The following CTNNBL1 variants were observed in gnomAD, a reference collection of about 807,000 sequenced individuals.
CTNNBL1 encodes beta-catenin-like protein 1.
Under a neutral mutation model 72.7 loss-of-function variants are expected in CTNNBL1, and 31 were observed. The ratio of observed to expected loss-of-function variants is 0.43; its 90% CI spans 0.32 to 0.58. The LOEUF is 0.58. Ranked by LOEUF, CTNNBL1 falls within the 20% of genes least tolerant of loss-of-function variation. The pLI, the probability that CTNNBL1 is intolerant of heterozygous loss-of-function variation, is 0.08. For synonymous variants in CTNNBL1, 240 were observed against 267.3 expected, an observed-to-expected ratio of 0.90 and a Z score of 1.00; for missense variants, 534 against 725.1, an observed-to-expected ratio of 0.74 and a Z score of 3.03.
At chr20:37,800,516 A>G (rs537328311) in intron 10 of CTNNBL1, among the ~76,000 whole-genome samples, 2 of 152,106 alleles carry the variant, frequency 1.3e-5, no homozygotes, top group Non-Finnish European at 2.9e-5. Flanking sequence ...CTCTTCAGAA[A>G]CTGTCTCCTT....
chr20:37,798,705 GAA>G (rs978100618), intron 10 of CTNNBL1, among the ~76,000 whole-genome samples: 1 of 150,100 alleles, frequency 6.7e-6, no homozygotes, highest in Non-Finnish European at 1.5e-5. Flanking sequence ...GCTTAGGCAG[GAA>G]AAAAAAAGAG....
At chr20:37,855,399 T>A (rs1218541982) in intron 13 of CTNNBL1, among the ~76,000 whole-genome samples, 1 of 152,210 alleles carries the variant, frequency 6.6e-6, no homozygotes. Flanking sequence ...TAGTCATTAT[T>A]ACATTTTTCA....
chr20:37,779,133 C>T (rs1320597192), intron 9 of CTNNBL1, 54 bp from the exon 10 acceptor site: 51 of 1,582,074 alleles, frequency 3.2e-5, no homozygotes, highest in Non-Finnish European at 3.9e-5. Flanking sequence ...GATGGAGGCT[C>T]ATGAAAAGAC....
chr20:37,726,897 A>G (rs535252119), intron 1 of CTNNBL1, among the ~76,000 whole-genome samples: 17 of 152,192 alleles, frequency 1.1e-4, no homozygotes, highest in Non-Finnish European at 2.1e-4. Context: ...ATAATTTATC[A>G]TAATGATACC....
chr20:37,825,629 C>T (rs541425136), intron 11 of CTNNBL1, among the ~76,000 whole-genome samples: 75 of 152,202 alleles, frequency 4.9e-4, no homozygotes, highest in African/African-American at 1.6e-3. Flanking sequence ...GAGCCGAGAT[C>T]GTGCCATTGC....
At chr20:37,735,787 G>A (rs530291932) in intron 2 of CTNNBL1, among the ~76,000 whole-genome samples, 17 of 152,294 alleles carry the variant, frequency 1.1e-4, no homozygotes, top group Admixed American at 2.6e-4. Flanking sequence ...ACATTTTTGA[G>A]TACTTATAAA....
At chr20:37,762,716 C>G (rs1409665469) in intron 5 of CTNNBL1, among the ~76,000 whole-genome samples, 1 of 152,156 alleles carries the variant, frequency 6.6e-6, no homozygotes, top group East Asian at 1.9e-4. Context: ...GAGCGATATC[C>G]AGAGCTATGC....
rs1235889427 is a variant in CTNNBL1, at chr20:37,765,277, C to T, written c.645C>T (p.Val215=). The T allele has an allele frequency of 1.3e-6, 2 of 1,550,022 alleles. No homozygotes were observed. Among genetic ancestry groups the T allele is most frequent in the African/African-American group, 1.4e-5 (1 of 73,120 alleles). Reference sequence around the variant, plus strand: ...CTGTGAAAGAGGAGGCAGATGGCGTCCACAACACTCTGGGTGAGAGGAAGG... The same window carrying T: ...CTGTGAAAGAGGAGGCAGATGGCGTTCACAACACTCTGGGTGAGAGGAAGG... ...DESVKEEADG[V]HNTLAIVENM... Residue 215 remains valine (V), a synonymous_variant, in exon 6 of 16, where the codon GTC becomes GTT. Coordinates refer to ENST00000361383, the MANE Select transcript of CTNNBL1 (RefSeq NM_030877.5).
At chr20:37,799,574 C>T (rs1407224250) in intron 10 of CTNNBL1, among the ~76,000 whole-genome samples, 1 of 152,196 alleles carries the variant, frequency 6.6e-6, no homozygotes, top group Non-Finnish European at 1.5e-5. Context: ...TCTCCCAAGG[C>T]AAATTATCTC....
chr20:37,712,645 C>T (rs988173862), intron 1 of CTNNBL1, among the ~76,000 whole-genome samples: 9 of 152,250 alleles, frequency 5.9e-5, no homozygotes, highest in Non-Finnish European at 1.2e-4. Flanking sequence ...AACACCCAAA[C>T]TTAAAAAGAA....
intron 11 of CTNNBL1, 28 bp downstream of exon 11, chr20:37,803,076 A>C: frequency 6.3e-7 from 1 of 1,593,968 alleles, no homozygotes. Flanking sequence ...AGTCAGCCTA[A>C]TTTAGGTGCA....
chr20:37,856,612 G>T (rs1234534584), intron 13 of CTNNBL1, among the ~76,000 whole-genome samples: 1 of 150,362 alleles, frequency 6.7e-6, no homozygotes, highest in African/African-American at 2.5e-5. Flanking sequence ...GTTTCTTGTA[G>T]GGCCCTCACA....
chr20:37,865,780 C>T (rs1236550014), intron 15 of CTNNBL1, among the ~76,000 whole-genome samples: 1 of 152,238 alleles, frequency 6.6e-6, no homozygotes, highest in African/African-American at 2.4e-5. Context: ...GCCATGGCTA[C>T]TGCACAGTGG....
intron 13 of CTNNBL1, among the ~76,000 whole-genome samples, chr20:37,852,991 A>G (rs2072410005): frequency 6.6e-6 from 1 of 152,158 alleles, no homozygotes; most frequent in African/African-American, 2.4e-5. Context: ...TGTAGAATGT[A>G]TATATCATAG....
At chr20:37,871,350 C>T (rs1368862846) in intron 15 of CTNNBL1, among the ~76,000 whole-genome samples, 2 of 152,160 alleles carry the variant, frequency 1.3e-5, no homozygotes, top group East Asian at 3.8e-4. Flanking sequence ...TTATGAAGAA[C>T]AGAAATGTAC....
At chr20:37,854,763 A>G (rs1262905378) in intron 13 of CTNNBL1, among the ~76,000 whole-genome samples, 1 of 151,538 alleles carries the variant, frequency 6.6e-6, no homozygotes, top group Non-Finnish European at 1.5e-5. Context: ...TAATTTTTGA[A>G]TTTTTAGTAG....
intron 4 of CTNNBL1, 60 bp downstream of exon 4, chr20:37,746,667 C>G: frequency 1.9e-6 from 3 of 1,578,646 alleles, no homozygotes; most frequent in Non-Finnish European, 2.6e-6. Flanking sequence ...TGCTGTTACT[C>G]TTTCTCCTGT....
chr20:37,850,823 G>T (rs2072389937), intron 13 of CTNNBL1, among the ~76,000 whole-genome samples: 1 of 152,290 alleles, frequency 6.6e-6, no homozygotes, highest in African/African-American at 2.4e-5. Context: ...TCAGGTTTCG[G>T]CTCTGAGTCA....
rs11907605 is a variant in CTNNBL1 at position 37,752,358 on chromosome 20, T to C, written c.467-5201T>C. 1.8e-3 allele frequency among the ~76,000 whole-genome samples: 277 copies of C among 152,336 alleles called. 2 individuals carry two copies. The highest frequency in any genetic ancestry group is 5.6e-3 in the African/African-American group (232 of 41,586). ...AAAAGGAGAAAAAGACCATTTTGTC[T>C]GTTTTGAAATTCATCTGCATTAATT... On this transcript the variant is annotated intron_variant, in intron 4 of 15. Transcript: ENST00000361383.
Sources: gnomAD v4.1 joint callset for allele counts (sites outside exome capture counted in the v4.1 genomes callset) on GRCh38, gnomAD v4.1.1 for gene constraint, MANE v1.5 for transcripts, NCBI Gene and HGNC (gene_info 2026-07-23, HGNC 2026-07-21) for gene names.